Variants in ADCY9 observed in about 807,000 individuals in gnomAD.
The protein encoded by ADCY9 is adenylate cyclase type 9.
In ADCY9, 50 loss-of-function variants were observed where a neutral mutation model predicts 101.5. That is an observed-to-expected ratio of 0.49 (90% CI 0.39 to 0.62). The LOEUF is 0.62. Ranked by LOEUF, ADCY9 falls within the 20% of genes least tolerant of loss-of-function variation. The pLI is 0.00. For missense variants in ADCY9, 1,662 were observed against 1,800.4 expected, an observed-to-expected ratio of 0.92 and a Z score of 1.39; for synonymous variants, 905 against 769.3, an observed-to-expected ratio of 1.18 and a Z score of -2.92.
intron 2 of ADCY9, among the ~76,000 whole-genome samples, chr16:4,101,378 C>T (rs1352154604): frequency 2.0e-5 from 3 of 151,272 alleles, no homozygotes; most frequent in African/African-American, 7.3e-5. Context: ...CACCTGGGCT[C>T]AAACGATCCT....
intron 3 of ADCY9, among the ~76,000 whole-genome samples, chr16:3,995,574 T>G (rs2056280183): frequency 6.6e-6 from 1 of 151,648 alleles, no homozygotes; most frequent in Non-Finnish European, 1.5e-5. Context: ...CAGCTTCCAA[T>G]GAAGAAGACA....
Position 4,048,613 on chromosome 16 carries a change from C to T in ADCY9, c.1694-41055G>A, listed in dbSNP as rs186757508. On this transcript the variant is annotated intron_variant, in intron 2 of 10. Coordinates refer to ENST00000294016, the MANE Select transcript of ADCY9 (RefSeq NM_001116.4). ...CCCCTGCAAGAATCACACAGATAGGCCCCTCGGTGCACCTGGAGAGGGAGG... is the reference window on the plus strand; with the variant it reads ...CCCCTGCAAGAATCACACAGATAGGTCCCTCGGTGCACCTGGAGAGGGAGG... 5.5e-4 allele frequency among the ~76,000 whole-genome samples: 84 copies of T among 152,300 alleles called. 3 individuals carry two copies. In the East Asian group the frequency reaches 0.015, roughly 27 times the overall value.
At chr16:4,035,201 C>T (rs565250078) in intron 2 of ADCY9, among the ~76,000 whole-genome samples, 1 of 152,310 alleles carries the variant, frequency 6.6e-6, no homozygotes, top group South Asian at 2.1e-4. Context: ...TAGACAGAGG[C>T]AGTTCTGGCA....
At chr16:4,098,996 G>A (rs1289484811) in intron 2 of ADCY9, among the ~76,000 whole-genome samples, 2 of 152,066 alleles carry the variant, frequency 1.3e-5, no homozygotes, top group Non-Finnish European at 2.9e-5. Flanking sequence ...GCAGTGGTGT[G>A]ATCTCAGCTC....
At position 3,977,323 on chromosome 16, in the gene ADCY9, G is replaced by A. The variant is rs567101028; in HGVS notation, c.2828+159C>T. Among the ~76,000 whole-genome samples the A allele has an allele frequency of 3.3e-5, 5 of 152,336 alleles. No individual in the cohort carries two copies. In the East Asian group the frequency reaches 9.6e-4, roughly 29 times the overall value. On this transcript the variant is annotated intron_variant, in intron 9 of 10. Transcript: ENST00000294016. ...ATATTACTCTGAGGGCATCTCATTA[G>A]CTCTTTGGTATGATGTGTGCTGACA...
intron 3 of ADCY9, 61 bp from the exon 4 acceptor site, chr16:3,993,571 C>A: frequency 6.3e-7 from 1 of 1,594,050 alleles, no homozygotes; most frequent in Non-Finnish European, 8.6e-7. Flanking sequence ...ACCCTGAATT[C>A]AGGCAGGTCC....
intron 9 of ADCY9, 47 bp downstream of exon 9, chr16:3,977,435 A>G: frequency 1.3e-6 from 2 of 1,533,808 alleles, no homozygotes; most frequent in Non-Finnish European, 1.8e-6. Flanking sequence ...AACCTCGGGC[A>G]AGGTGGCCAC....
At chr16:4,103,612 C>T (rs964067074) in intron 2 of ADCY9, among the ~76,000 whole-genome samples, 17 of 152,296 alleles carry the variant, frequency 1.1e-4, no homozygotes, top group African/African-American at 3.6e-4. Flanking sequence ...GGGAGATCAC[C>T]TGAGGTCAGG....
At chr16:3,981,530 A>C (rs2056142357) in intron 7 of ADCY9, among the ~76,000 whole-genome samples, 1 of 79,382 alleles carries the variant, frequency 1.3e-5, no homozygotes, top group Non-Finnish European at 3.7e-5. Context: ...ATTTGCTAAA[A>C]ATCACTGAGT....
At chr16:4,107,969 G>T (rs1159000343) in intron 2 of ADCY9, among the ~76,000 whole-genome samples, 1 of 152,186 alleles carries the variant, frequency 6.6e-6, no homozygotes, top group African/African-American at 2.4e-5. Flanking sequence ...ATACCAGCGG[G>T]TCTCCTCCCC....
rs751721234 is a variant in ADCY9, at chr16:3,979,251, G to A, written c.2544C>T (p.Val848=). The change falls in exon 8 of 11, where the codon GTC becomes GTT. Residue 848 remains valine (V), a synonymous_variant. Coordinates refer to ENST00000294016, the MANE Select transcript of ADCY9 (RefSeq NM_001116.4). Reference sequence around the variant, plus strand: ...CCAGCAGGCGCTTGGTGCAGGCCATGACGTCCTCCAGGAAGAACACCATCC... The same window carrying A: ...CCAGCAGGCGCTTGGTGCAGGCCATAACGTCCTCCAGGAAGAACACCATCC... ...SIRMVFFLED[V]MACTKRLLEW... The A allele has an allele frequency of 3.7e-6, 6 of 1,613,954 alleles. No individual in the cohort carries two copies. Among genetic ancestry groups the A allele is most frequent in the South Asian group, 1.1e-5 (1 of 91,078 alleles).
intron 2 of ADCY9, among the ~76,000 whole-genome samples, chr16:4,067,208 G>A (rs1398810005): frequency 6.6e-6 from 1 of 152,156 alleles, no homozygotes; most frequent in Non-Finnish European, 1.5e-5. Flanking sequence ...AAATGGAATT[G>A]TTAAACAGAT....
intron 2 of ADCY9, among the ~76,000 whole-genome samples, chr16:4,014,537 T>G (rs2056425154): frequency 6.6e-6 from 1 of 151,284 alleles, no homozygotes; most frequent in Non-Finnish European, 1.5e-5. Context: ...AACCTCCGCC[T>G]CCCGGGTTCA....
intron 2 of ADCY9, among the ~76,000 whole-genome samples, chr16:4,024,024 CT>C (rs904072808): frequency 1.4e-4 from 21 of 148,618 alleles, no homozygotes; most frequent in South Asian, 2.1e-4. Context: ...AATTTTTTAA[CT>C]TTTTTTTTTT....
At chr16:3,993,215 C>T (rs1196772808) in intron 4 of ADCY9, 191 bp downstream of exon 4, 8 of 967,662 alleles carry the variant, frequency 8.3e-6, no homozygotes, top group Non-Finnish European at 1.2e-5. Flanking sequence ...CTGGTTTCCA[C>T]GTGGGTTGCT....
rs1233812196 is a variant in ADCY9, at chr16:4,009,273, GTT to G, written c.1694-1717_1694-1716del. Reference sequence around the variant, plus strand: ...TTCATGTTTTGTTTTGTTTTGTTTTGTTTTGTTTTTCCTTTAGAGATAGGGTC... The same window carrying G: ...TTCATGTTTTGTTTTGTTTTGTTTTGTTGTTTTTCCTTTAGAGATAGGGTC... On this transcript the variant is annotated intron_variant, in intron 2 of 10. Coordinates refer to ENST00000294016, the MANE Select transcript of ADCY9 (RefSeq NM_001116.4). Among the ~76,000 whole-genome samples the G allele has an allele frequency of 3.3e-4, 50 of 152,012 alleles. No individual in the cohort carries two copies. The Middle Eastern group carries it at 0.01, about 31-fold the overall frequency.
At position 3,977,497 on chromosome 16, in the gene ADCY9, G is replaced by A. The variant is rs1347599961; in HGVS notation, c.2813C>T (p.Ser938Phe). 23 of 1,569,300 alleles carry A rather than the reference G, an allele frequency of 1.5e-5. No homozygotes were observed. Among genetic ancestry groups the A allele is most frequent in the Non-Finnish European group, 2.0e-5 (23 of 1,157,442 alleles). ...GAGPLLLLYV[S>F]LCPDSSVLTS... ...GGCCGCGTACCTGTCTGGGCACAGGGAGACGTAGAGCAGGAGCAGCGGCCC... is the reference window on the plus strand; with the variant it reads ...GGCCGCGTACCTGTCTGGGCACAGGAAGACGTAGAGCAGGAGCAGCGGCCC... Residue 938 changes from serine (S) to phenylalanine (F), a missense_variant, in exon 9 of 11, where the codon TCC becomes TTC. Coordinates refer to ENST00000294016, the MANE Select transcript of ADCY9 (RefSeq NM_001116.4).
At chr16:4,079,518 G>A (rs962488155) in intron 2 of ADCY9, among the ~76,000 whole-genome samples, 5 of 152,112 alleles carry the variant, frequency 3.3e-5, no homozygotes, top group Admixed American at 6.6e-5. Context: ...GCAGTGAGCC[G>A]AGATCATGCC....
chr16:4,006,122 C>T (rs903686427), intron 3 of ADCY9, among the ~76,000 whole-genome samples: 1 of 152,212 alleles, frequency 6.6e-6, no homozygotes, highest in Non-Finnish European at 1.5e-5. Flanking sequence ...GGTGACTCTG[C>T]ACCCCCAGGG....
Sources: gnomAD v4.1 joint callset for allele counts (sites outside exome capture counted in the v4.1 genomes callset) on GRCh38, gnomAD v4.1.1 for gene constraint, MANE v1.5 for transcripts, NCBI Gene and HGNC (gene_info 2026-07-23, HGNC 2026-07-21) for gene names.